SORCS1: variants seen among roughly 807,000 people sequenced by gnomAD.
SORCS1 encodes the protein VPS10 domain-containing receptor SorCS1.
SORCS1 carries 60 observed loss-of-function variants against 146.1 expected under a neutral mutation model. That is an observed-to-expected ratio of 0.41 (90% CI 0.33 to 0.51). The LOEUF (loss-of-function observed/expected upper bound fraction) is 0.51, where lower values mean the gene tolerates loss of function less well. SORCS1 is among the 20% of genes least tolerant of loss of function. The pLI is 0.21. For missense variants in SORCS1, 1,352 were observed against 1,487.6 expected (o/e 0.91, Z 1.50); for synonymous variants, 637 against 584.0 (o/e 1.09, Z -1.31).
chr10:106,685,111 T>C (rs73378376), intron 10 of SORCS1, among the ~76,000 whole-genome samples: 1,757 of 152,316 alleles, frequency 0.012, 39 homozygotes, highest in African/African-American at 0.04. Flanking sequence ...TTTGTTAACT[T>C]TGGGTTCCAC....
chr10:106,936,891 A>G (rs2138671194), intron 2 of SORCS1, among the ~76,000 whole-genome samples: 1 of 152,304 alleles, frequency 6.6e-6, no homozygotes, highest in Admixed American at 6.5e-5. Context: ...CTTCATGACC[A>G]CTCTACTTCT....
intron 1 of SORCS1, among the ~76,000 whole-genome samples, chr10:107,161,628 A>T (rs1382501957): frequency 6.6e-6 from 1 of 152,188 alleles, no homozygotes; most frequent in Non-Finnish European, 1.5e-5. Flanking sequence ...GCCTCGGTCA[A>T]ACCACAAATA....
chr10:107,093,178 A>G (rs9783180), intron 1 of SORCS1, among the ~76,000 whole-genome samples: 22,527 of 152,144 alleles, frequency 0.15, 1,879 homozygotes, highest in South Asian at 0.21. Context: ...AAGATGCAGT[A>G]CTGGTTCCCA....
chr10:107,023,890 C>T (rs1958265960), intron 1 of SORCS1, among the ~76,000 whole-genome samples: 1 of 151,564 alleles, frequency 6.6e-6, no homozygotes, highest in African/African-American at 2.4e-5. Flanking sequence ...AAAAGAGAAA[C>T]AAAAAGAAAA....
Position 106,801,776 on chromosome 10 carries a change from C to T in SORCS1, c.727-25084G>A, listed in dbSNP as rs1445276706. On this transcript the variant is annotated intron_variant, in intron 3 of 25. Transcript: ENST00000263054. ...CGATCTCCTGACCTTGTGATCTGCC[C>T]TCCTTGGCCTCCCAAAGTGCTGGGA... 2.0e-5 allele frequency among the ~76,000 whole-genome samples: 3 copies of T among 152,164 alleles called. No homozygotes were observed. The East Asian group carries it at 5.8e-4, about 29-fold the overall frequency.
At chr10:107,170,461 A>G in the SORCS1 span, among the ~76,000 whole-genome samples, 14 of 152,222 alleles carry the variant, frequency 9.2e-5, no homozygotes, top group Admixed American at 9.2e-4. Flanking sequence ...CTATATGATA[A>G]GAAGTCTTTG....
intron 1 of SORCS1, among the ~76,000 whole-genome samples, chr10:106,974,066 C>T (rs956564187): frequency 7.9e-5 from 12 of 152,226 alleles, no homozygotes; most frequent in African/African-American, 2.2e-4. Flanking sequence ...TGAGCACCTA[C>T]TTGTGCTACT....
chr10:106,844,745 CCA>C (rs1949242425), intron 2 of SORCS1, among the ~76,000 whole-genome samples: 1 of 117,580 alleles, frequency 8.5e-6, no homozygotes, highest in Non-Finnish European at 1.7e-5. Flanking sequence ...CCCCTCCCCA[CCA>C]CAGTCCCCAG....
intron 10 of SORCS1, among the ~76,000 whole-genome samples, chr10:106,686,511 C>T (rs141630172): frequency 6.6e-5 from 10 of 152,298 alleles, no homozygotes; most frequent in East Asian, 5.8e-4. Context: ...AGCAGCACTA[C>T]GCTCCAACTT....
chr10:106,730,223 C>A, intron 5 of SORCS1, 109 bp from the exon 6 acceptor site: 2 of 927,536 alleles, frequency 2.2e-6, no homozygotes, highest in Non-Finnish European at 1.7e-6. Flanking sequence ...GGCATCTAAA[C>A]CCACAATCCT....
intron 24 of SORCS1, among the ~76,000 whole-genome samples, chr10:106,585,969 T>C (rs747502003): frequency 2.0e-5 from 3 of 152,164 alleles, no homozygotes; most frequent in Non-Finnish European, 4.4e-5. Flanking sequence ...CCATAGCTGA[T>C]TGCAGACAGA....
At chr10:107,058,950 C>T (rs1183748498) in intron 1 of SORCS1, among the ~76,000 whole-genome samples, 1 of 152,134 alleles carries the variant, frequency 6.6e-6, no homozygotes, top group Non-Finnish European at 1.5e-5. Context: ...AAACTAGGGA[C>T]ATCACCAACT....
chr10:106,763,705 C>T (rs10509820), intron 4 of SORCS1, among the ~76,000 whole-genome samples: 3,586 of 152,244 alleles, frequency 0.024, 93 homozygotes, highest in East Asian at 0.11. Flanking sequence ...ACTAAGATTC[C>T]TACCGGTCTC....
intron 1 of SORCS1, among the ~76,000 whole-genome samples, chr10:106,974,676 C>A (rs1955921580): frequency 6.6e-6 from 1 of 152,250 alleles, no homozygotes; most frequent in East Asian, 1.9e-4. Flanking sequence ...ATCAGCCCTG[C>A]TAATTACCAA....
At chr10:107,069,667 C>T (rs1012452999) in intron 1 of SORCS1, among the ~76,000 whole-genome samples, 15 of 152,156 alleles carry the variant, frequency 9.9e-5, no homozygotes, top group Non-Finnish European at 1.8e-4. Context: ...TGAGCCACCT[C>T]GCCTGGCCCA....
intron 1 of SORCS1, among the ~76,000 whole-genome samples, chr10:107,139,243 AAC>A (rs1228326826): frequency 6.6e-6 from 1 of 152,208 alleles, no homozygotes; most frequent in Non-Finnish European, 1.5e-5. Context: ...GAAAGCCAGA[AAC>A]ACACTTTTTA....
chr10:107,062,576 C>T (rs1961326851), intron 1 of SORCS1, among the ~76,000 whole-genome samples: 1 of 152,100 alleles, frequency 6.6e-6, no homozygotes, highest in African/African-American at 2.4e-5. Flanking sequence ...ATAATTAATG[C>T]AGCCTAGCTG....
intron 21 of SORCS1, among the ~76,000 whole-genome samples, chr10:106,616,665 C>A (rs1473532482): frequency 6.6e-6 from 1 of 152,130 alleles, no homozygotes; most frequent in Non-Finnish European, 1.5e-5. Context: ...CTGGGCTGAT[C>A]AAGCCTTTCA....
intron 17 of SORCS1, among the ~76,000 whole-genome samples, chr10:106,654,478 G>T (rs1356042683): frequency 1.3e-5 from 2 of 152,112 alleles, no homozygotes; most frequent in Admixed American, 6.5e-5. Context: ...TACTTGATAG[G>T]AATTCTTTAT....
Sources: allele counts gnomAD v4.1 joint callset (sites outside exome capture counted in the v4.1 genomes callset), GRCh38; gene constraint gnomAD v4.1.1; transcripts MANE v1.5; gene names NCBI Gene and HGNC (gene_info 2026-07-23, HGNC 2026-07-21).